The following AS3MT variants were observed in gnomAD, a reference collection of about 807,000 sequenced individuals.
AS3MT encodes arsenite methyltransferase.
In AS3MT, 47 loss-of-function variants were observed where a neutral mutation model predicts 45.3. The ratio of observed to expected loss-of-function variants is 1.04; its 90% confidence interval spans 0.82 to 1.32. The LOEUF (loss-of-function observed/expected upper bound fraction) is 1.32. Among genes scored for constraint, AS3MT ranks in the 40% most tolerant of loss-of-function variants. AS3MT has a pLI of 0.00. For synonymous variants in AS3MT, 141 were observed against 152.8 expected (o/e 0.92, Z 0.57); for missense variants, 396 against 451.1 (o/e 0.88, Z 1.11).
chr10:102,897,712 C>T (rs12218148), intron 10 of AS3MT, among the ~76,000 whole-genome samples: 1 of 151,972 alleles, frequency 6.6e-6, no homozygotes, highest in African/African-American at 2.4e-5. Context: ...GCAATCCGCC[C>T]GCCTCGGCCT....
In AS3MT at chr10:102,873,172, C is replaced by T; in HGVS notation, c.397C>T (p.His133Tyr). The T allele has an allele frequency of 1.2e-6, 2 of 1,610,816 alleles. No homozygotes were observed. The highest frequency in any genetic ancestry group is 1.7e-6 in the Non-Finnish European group (2 of 1,178,992). The change falls in exon 5 of 11, where the codon CAT becomes TAT. Residue 133 changes from histidine to tyrosine, a missense_variant. His to Tyr is a moderately conservative substitution (Grantham distance 83). Coordinates refer to ENST00000369880, the MANE Select transcript of AS3MT (RefSeq NM_020682.4). The stretch of plus-strand genomic sequence containing the variant: ...CCAGGCATCTAATGTGACTTTTATT[C>T]ATGGCTACATTGAGAAGTTGGGAGA... ...GFQASNVTFIHGYIEKLGEAG... is the reference protein window; with the variant it reads ...GFQASNVTFIYGYIEKLGEAG...
chr10:102,878,635 T>G (rs1351493841), intron 8 of AS3MT, 125 bp downstream of exon 8: 3 of 1,402,502 alleles, frequency 2.1e-6, no homozygotes, highest in Non-Finnish European at 2.9e-6. Flanking sequence ...GAAATAGCTA[T>G]CTTGCCTCCT....
At chr10:102,895,448 G>C (rs766016261) in intron 10 of AS3MT, among the ~76,000 whole-genome samples, 10 of 152,186 alleles carry the variant, frequency 6.6e-5, no homozygotes, top group Non-Finnish European at 1.3e-4. Context: ...TGATCCACCA[G>C]CCTCGGCCTC....
intron 9 of AS3MT, among the ~76,000 whole-genome samples, chr10:102,883,953 T>TTTTTC (rs1844906608): frequency 1.3e-5 from 2 of 151,526 alleles, no homozygotes; most frequent in African/African-American, 4.8e-5. Flanking sequence ...GCAATTTTCT[T>TTTTTC]TTTTCTTTTC....
chr10:102,884,806 A>G (rs1375515035), intron 9 of AS3MT, among the ~76,000 whole-genome samples: 2 of 152,058 alleles, frequency 1.3e-5, no homozygotes, highest in African/African-American at 4.8e-5. Flanking sequence ...ATTGGCCTCC[A>G]AAACTGCTGG....
intron 6 of AS3MT, among the ~76,000 whole-genome samples, chr10:102,876,727 G>GA (rs1844789863): frequency 6.6e-6 from 1 of 152,142 alleles, no homozygotes; most frequent in South Asian, 2.1e-4. Context: ...GACACTCTTA[G>GA]AATGTGATTT....
chr10:102,886,401 T>C (rs1433814514), intron 9 of AS3MT, among the ~76,000 whole-genome samples: 1 of 147,886 alleles, frequency 6.8e-6, no homozygotes, highest in Non-Finnish European at 1.5e-5. Flanking sequence ...CTCAGCTCAC[T>C]GCAACCTCCA....
At chr10:102,897,150 C>T (rs369466820) in intron 10 of AS3MT, among the ~76,000 whole-genome samples, 3 of 151,876 alleles carry the variant, frequency 2.0e-5, no homozygotes, top group Non-Finnish European at 4.4e-5. Context: ...TTGGGGAGGC[C>T]GAGGCGGGTG....
intron 9 of AS3MT, among the ~76,000 whole-genome samples, chr10:102,889,679 C>G (rs552742486): frequency 6.8e-6 from 1 of 147,074 alleles, no homozygotes; most frequent in Non-Finnish European, 1.5e-5. Context: ...CTCCCTCCAC[C>G]CCCCCCGCCC....
chr10:102,887,008 T>C (rs1399860619), intron 9 of AS3MT, among the ~76,000 whole-genome samples: 6 of 152,248 alleles, frequency 3.9e-5, no homozygotes, highest in African/African-American at 1.4e-4. Flanking sequence ...CTGTATCCCA[T>C]AGATTTTTGC....
chr10:102,884,141 G>T (rs1433967975), intron 9 of AS3MT, among the ~76,000 whole-genome samples: 2 of 151,870 alleles, frequency 1.3e-5, no homozygotes, highest in Admixed American at 1.3e-4. Context: ...ACCACACCCA[G>T]CTAATTTTTT....
In AS3MT at chr10:102,878,926, A is replaced by C. The variant is rs761629464; in HGVS notation, c.820A>C (p.Ile274Leu). 2 of 1,613,956 alleles carry C rather than the reference A, an allele frequency of 1.2e-6. No individual in the cohort carries two copies. The highest frequency in any genetic ancestry group is 1.7e-6 in the Non-Finnish European group (2 of 1,179,860). Residue 274 changes from isoleucine to leucine, a missense_variant, in exon 9 of 11, where the codon ATT becomes CTT. Coordinates refer to ENST00000369880, the MANE Select transcript of AS3MT (RefSeq NM_020682.4). ...KTGPTKRCQV[I>L]YNGGITGHEK... ...AGGACCAACCAAGAGATGCCAAGTT[A>C]TTTACAATGGAGGAATTACAGGACA...
intron 9 of AS3MT, among the ~76,000 whole-genome samples, chr10:102,888,475 G>C (rs1449507453): frequency 6.6e-6 from 1 of 151,760 alleles, no homozygotes. Flanking sequence ...AGGCTGGAGT[G>C]CAATGGCGCA....
At chr10:102,872,705 T>A in intron 4 of AS3MT, 107 bp downstream of exon 4, 1 of 1,216,666 alleles carries the variant, frequency 8.2e-7, no homozygotes, top group Non-Finnish European at 1.1e-6. Context: ...AGAAAGCTTC[T>A]AGTTAGCAAT....
chr10:102,870,271 T>C, intron 3 of AS3MT, 60 bp downstream of exon 3: 1 of 1,595,142 alleles, frequency 6.3e-7, no homozygotes, highest in African/African-American at 1.3e-5. Flanking sequence ...CAAAAGATAA[T>C]GATGCAGGTC....
intron 1 of AS3MT, 79 bp downstream of exon 1, chr10:102,869,672 T>TC: frequency 7.2e-7 from 1 of 1,380,652 alleles, no homozygotes; most frequent in Non-Finnish European, 9.6e-7. Flanking sequence ...CGCGAGCGCC[T>TC]CCCCCGAGCT....
intron 10 of AS3MT, among the ~76,000 whole-genome samples, chr10:102,891,948 CAAAAAAAAAAAAAAAA>C (rs57594880): frequency 5.2e-5 from 3 of 57,844 alleles, no homozygotes; most frequent in Non-Finnish European, 9.0e-5. Context: ...GACTCTGTCT[CAAAAAAAAAAAAAAAA>C]AAAAAAAAAA....
At chr10:102,872,099 G>A (rs942849951) in intron 3 of AS3MT, among the ~76,000 whole-genome samples, 3 of 152,070 alleles carry the variant, frequency 2.0e-5, no homozygotes, top group African/African-American at 7.2e-5. Context: ...TGGCCAGGCT[G>A]GTCTCCAACT....
chr10:102,889,339 G>A (rs777329123), intron 9 of AS3MT, among the ~76,000 whole-genome samples: 17 of 151,852 alleles, frequency 1.1e-4, no homozygotes, highest in Non-Finnish European at 2.5e-4. Context: ...TATGATATTT[G>A]TCTTTCTGTG....
Sources: gnomAD v4.1 joint callset for allele counts (sites outside exome capture counted in the v4.1 genomes callset) on GRCh38, gnomAD v4.1.1 for gene constraint, MANE v1.5 for transcripts, NCBI Gene and HGNC (gene_info 2026-07-23, HGNC 2026-07-21) for gene names.